PTPRD: variants seen among roughly 807,000 people sequenced by gnomAD.
PTPRD encodes receptor-type tyrosine-protein phosphatase delta.
In PTPRD, 34 loss-of-function variants were observed where a neutral mutation model predicts 214.5. The ratio of observed to expected loss-of-function variants is 0.16; its 90% CI spans 0.12 to 0.21. The LOEUF is 0.21. Among genes scored for constraint, PTPRD ranks in the 10% least tolerant of loss-of-function variants. The pLI is 1.00. For synonymous variants in PTPRD, 1,128 were observed against 845.7 expected, an observed-to-expected ratio of 1.33 and a Z score of -5.79; for missense variants, 2,545 against 2,398.7, an observed-to-expected ratio of 1.06 and a Z score of -1.27.
At chr9:9,748,392 C>T (rs756594547) in intron 6 of PTPRD, among the ~76,000 whole-genome samples, 11 of 152,106 alleles carry the variant, frequency 7.2e-5, no homozygotes, top group Non-Finnish European at 1.5e-4. Context: ...CATATTCTAT[C>T]AATGAGCTAT....
chr9:9,779,334 A>T (rs2098825221), intron 5 of PTPRD, among the ~76,000 whole-genome samples: 1 of 152,136 alleles, frequency 6.6e-6, no homozygotes, highest in Admixed American at 6.6e-5. Context: ...CAATTACAAC[A>T]AAAACAAAAA....
At chr9:9,096,292 T>C (rs1034009843) in intron 10 of PTPRD, among the ~76,000 whole-genome samples, 7 of 152,182 alleles carry the variant, frequency 4.6e-5, no homozygotes, top group Non-Finnish European at 8.8e-5. Flanking sequence ...ATAGTAATCT[T>C]TTTACTATCT....
chr9:10,278,411 G>C (rs2094858064), intron 3 of PTPRD, among the ~76,000 whole-genome samples: 2 of 152,178 alleles, frequency 1.3e-5, no homozygotes. Flanking sequence ...AGGTGAGCTT[G>C]AGGTCAGTAG....
At chr9:10,455,197 TGTAGCACTGCTGACG>T (rs2098900172) in intron 2 of PTPRD, among the ~76,000 whole-genome samples, 1 of 151,750 alleles carries the variant, frequency 6.6e-6, no homozygotes, top group African/African-American at 2.4e-5. Flanking sequence ...CTGGAGCCTC[TGTAGCACTGCTGACG>T]AGAGCTTTCC....
At chr9:8,879,118 C>T (rs17584499) in intron 11 of PTPRD, among the ~76,000 whole-genome samples, 22,504 of 152,130 alleles carry the variant, frequency 0.15, 1,995 homozygotes, top group South Asian at 0.26. Flanking sequence ...TTTCTGTATT[C>T]CAGAGAGAGG....
intron 11 of PTPRD, among the ~76,000 whole-genome samples, chr9:9,004,140 CT>C (rs1244252980): frequency 6.6e-6 from 1 of 151,942 alleles, no homozygotes; most frequent in Non-Finnish European, 1.5e-5. Flanking sequence ...AGGTAAACAG[CT>C]TTTGTCAATC....
At chr9:9,961,824 A>G (rs1194062754) in intron 4 of PTPRD, among the ~76,000 whole-genome samples, 1 of 152,168 alleles carries the variant, frequency 6.6e-6, no homozygotes, top group Non-Finnish European at 1.5e-5. Flanking sequence ...ATTAAAATGC[A>G]AAACATAGTT....
intron 10 of PTPRD, among the ~76,000 whole-genome samples, chr9:9,043,945 A>G (rs913169172): frequency 6.7e-6 from 1 of 148,320 alleles, no homozygotes; most frequent in Non-Finnish European, 1.5e-5. Context: ...AAAATAAAAT[A>G]AAATAAAATA....
intron 9 of PTPRD, among the ~76,000 whole-genome samples, chr9:9,364,682 G>A (rs1286332760): frequency 2.6e-5 from 4 of 151,260 alleles, no homozygotes; most frequent in Non-Finnish European, 5.9e-5. Context: ...CCAACAGTGA[G>A]GAAGGAAAAA....
At chr9:8,710,082 A>G (rs1206937935) in intron 12 of PTPRD, among the ~76,000 whole-genome samples, 1 of 152,192 alleles carries the variant, frequency 6.6e-6, no homozygotes, top group Non-Finnish European at 1.5e-5. Flanking sequence ...GTTATTAAAT[A>G]ATCTGCGTGA....
chr9:8,377,391 C>T (rs1419742190), intron 37 of PTPRD, among the ~76,000 whole-genome samples: 1 of 152,072 alleles, frequency 6.6e-6, no homozygotes, highest in African/African-American at 2.4e-5. Flanking sequence ...GAATAATCTA[C>T]AATTTCTATG....
intron 30 of PTPRD, among the ~76,000 whole-genome samples, chr9:8,480,665 C>A (rs1565152672): frequency 6.6e-6 from 1 of 152,158 alleles, no homozygotes; most frequent in Non-Finnish European, 1.5e-5. Context: ...CAGTTTCTTA[C>A]ATATCAATTA....
intron 8 of PTPRD, among the ~76,000 whole-genome samples, chr9:9,573,481 A>C (rs2087241655): frequency 6.6e-6 from 1 of 151,580 alleles, no homozygotes. Context: ...CAATTCACTA[A>C]AACTGCGCAC....
intron 35 of PTPRD, among the ~76,000 whole-genome samples, chr9:8,405,480 T>C (rs2092879062): frequency 6.6e-6 from 1 of 152,144 alleles, no homozygotes; most frequent in African/African-American, 2.4e-5. Flanking sequence ...AACAGGTATA[T>C]AAAGTATGTA....
intron 15 of PTPRD, among the ~76,000 whole-genome samples, chr9:8,527,693 C>A (rs1415448853): frequency 6.6e-6 from 1 of 152,026 alleles, no homozygotes; most frequent in Non-Finnish European, 1.5e-5. Context: ...GTGAAATTAC[C>A]TAGGGACAGG....
chr9:8,562,092 G>A (rs1238715940), intron 14 of PTPRD, among the ~76,000 whole-genome samples: 6 of 152,118 alleles, frequency 3.9e-5, no homozygotes, highest in African/African-American at 1.4e-4. Flanking sequence ...GAAGCAAGAG[G>A]AGATTGAAGA....
intron 2 of PTPRD, among the ~76,000 whole-genome samples, chr9:10,391,062 G>C (rs536075002): frequency 6.6e-6 from 1 of 151,926 alleles, no homozygotes; most frequent in East Asian, 2.0e-4. Flanking sequence ...CTGTTAGAAA[G>C]AAAGACCCAT....
chr9:10,018,938 A>C (rs1033318584), intron 4 of PTPRD, among the ~76,000 whole-genome samples: 3 of 152,224 alleles, frequency 2.0e-5, no homozygotes, highest in African/African-American at 7.2e-5. Context: ...GGATCTAATT[A>C]AACTAAAGAG....
At chr9:9,250,223 C>A (rs557010165) in intron 9 of PTPRD, among the ~76,000 whole-genome samples, 1 of 152,040 alleles carries the variant, frequency 6.6e-6, no homozygotes, top group Admixed American at 6.6e-5. Context: ...GCATGTGTAG[C>A]TTCATATTTT....
Sources: allele counts gnomAD v4.1 joint callset (sites outside exome capture counted in the v4.1 genomes callset), GRCh38; gene constraint gnomAD v4.1.1; transcripts MANE v1.5; gene names NCBI Gene and HGNC (gene_info 2026-07-23, HGNC 2026-07-21).